Variants in FAR2 observed in about 807,000 individuals in gnomAD.
FAR2 encodes fatty acyl-CoA reductase 2.
A neutral mutation model predicts 56.0 loss-of-function variants in FAR2; 19 were observed. The observed-to-expected ratio is 0.34, with a 90% CI of 0.24 to 0.50. The LOEUF is 0.50. Ranked by LOEUF, FAR2 falls within the 20% of genes least tolerant of loss-of-function variation. The pLI, the probability that FAR2 is intolerant of heterozygous loss-of-function variation, is 0.98. For missense variants in FAR2, 508 were observed against 642.2 expected (o/e 0.79, Z 2.26); for synonymous variants, 219 against 218.8 (o/e 1.00, Z -0.01).
chr12:29,270,292 A>C, intron 1 of FAR2, 120 bp from the exon 2 acceptor site: 1 of 645,436 alleles, frequency 1.5e-6, no homozygotes, highest in South Asian at 2.9e-5. Context: ...CGATGCTCTC[A>C]CTGTCTGACC....
chr12:29,331,762 C>G (rs1949735177), intron 10 of FAR2: 1 of 152,060 alleles, frequency 6.6e-6, no homozygotes, highest in African/African-American at 2.4e-5. Flanking sequence ...TCTGGGCCAC[C>G]TCCTGATCCT....
At chr12:29,317,698 C>T (rs1017083144) in intron 9 of FAR2, 24 of 152,598 alleles carry the variant, frequency 1.6e-4, no homozygotes, top group African/African-American at 5.3e-4. Flanking sequence ...ATGATGACAA[C>T]CTCACTTACT....
At chr12:29,257,268 A>G (rs1045587017) in intron 1 of FAR2, among the ~76,000 whole-genome samples, 3 of 151,984 alleles carry the variant, frequency 2.0e-5, no homozygotes, top group Middle Eastern at 3.4e-3. Flanking sequence ...GTATCTAGCT[A>G]CTCTGGTGGG....
At chr12:29,307,537 C>G (rs188101812) in intron 4 of FAR2, 121 bp from the exon 5 acceptor site, 1 of 969,394 alleles carries the variant, frequency 1.0e-6, no homozygotes, top group East Asian at 2.6e-5. Flanking sequence ...TATCATGTGA[C>G]TGTTCTGAAT....
intron 10 of FAR2, among the ~76,000 whole-genome samples, chr12:29,329,108 C>G (rs778318834): frequency 6.6e-6 from 1 of 152,076 alleles, no homozygotes; most frequent in African/African-American, 2.4e-5. Flanking sequence ...GAAATCATTG[C>G]TCCCTCTCAA....
intron 1 of FAR2, among the ~76,000 whole-genome samples, chr12:29,246,706 T>C (rs1315851669): frequency 3.0e-4 from 45 of 152,192 alleles, no homozygotes; most frequent in Non-Finnish European, 1.5e-5. Flanking sequence ...TTTAGTCTTA[T>C]GTACTGTAGC....
At chr12:29,244,020 GAA>G (rs1948084824) in intron 1 of FAR2, among the ~76,000 whole-genome samples, 1 of 152,106 alleles carries the variant, frequency 6.6e-6, no homozygotes, top group Non-Finnish European at 1.5e-5. Flanking sequence ...ATGAATGAAT[GAA>G]TGAATGAATT....
chr12:29,191,081 C>T (rs1265394420), intron 1 of FAR2, among the ~76,000 whole-genome samples: 3 of 152,190 alleles, frequency 2.0e-5, no homozygotes, highest in Non-Finnish European at 4.4e-5. Context: ...TGAGCTAGCT[C>T]TGGGAGTAGG....
At chr12:29,151,106 T>C (rs576696167) in intron 1 of FAR2, among the ~76,000 whole-genome samples, 2 of 152,322 alleles carry the variant, frequency 1.3e-5, no homozygotes, top group Non-Finnish European at 2.9e-5. Flanking sequence ...CATTCTTGAG[T>C]GCATTTGTTT....
intron 1 of FAR2, among the ~76,000 whole-genome samples, chr12:29,254,349 G>A (rs1948280754): frequency 6.6e-6 from 1 of 152,216 alleles, no homozygotes; most frequent in Non-Finnish European, 1.5e-5. Flanking sequence ...TTGACAAACA[G>A]ATATGTGACT....
rs115666354 is a variant in FAR2 at position 29,201,424 on chromosome 12, C to G, written c.-39+52017C>G. ...AGGTCTCCTTCATATACGCTGTCAT[C>G]ATTTTGGACAAGGAAAATGTTACCA... On this transcript the variant is annotated intron_variant, in intron 1 of 11. Transcript: ENST00000536681. Among the ~76,000 whole-genome samples, 315 of 152,308 alleles carry G rather than the reference C, an allele frequency of 2.1e-3. 1 individual carries two copies. Among genetic ancestry groups the G allele is most frequent in the African/African-American group, 7.0e-3 (293 of 41,570 alleles).
chr12:29,160,478 G>A (rs569704663), intron 1 of FAR2, among the ~76,000 whole-genome samples: 9 of 152,224 alleles, frequency 5.9e-5, no homozygotes, highest in Admixed American at 2.6e-4. Context: ...ATATGGCTGC[G>A]TATCAAAAGG....
Position 29,321,924 on chromosome 12 carries a change from A to T in FAR2, c.1257A>T (p.Arg419Ser), listed in dbSNP as rs765510163. Residue 419 changes from arginine to serine, a missense_variant and splice_region_variant, in exon 10 of 12, where the codon AGA becomes AGT. Physicochemically the swap from Arg to Ser is moderately radical, Grantham distance 110 (BLOSUM62 -1). Coordinates refer to ENST00000536681, the MANE Select transcript of FAR2 (RefSeq NM_001271783.2). Reference sequence around the variant, plus strand: ...CTGAGCTGAGTCCTGAAGACCAGAGAGTAAGTAGAGCACTGACTTAAGCAC... The same window carrying T: ...CTGAGCTGAGTCCTGAAGACCAGAGTGTAAGTAGAGCACTGACTTAAGCAC... ...LMSELSPEDQ[R>S]VFNFDVRQLN... 6.2e-6 allele frequency: 10 copies of T among 1,611,826 alleles called. No individual in the cohort carries two copies. In the Admixed American group the frequency reaches 1.5e-4, roughly 24 times the overall value.
At chr12:29,258,182 T>A (rs1180415572) in intron 1 of FAR2, among the ~76,000 whole-genome samples, 3 of 146,158 alleles carry the variant, frequency 2.1e-5, no homozygotes, top group South Asian at 2.2e-4. Context: ...TGTCTTTACT[T>A]AAAAAAAAAA....
At chr12:29,195,010 A>T (rs1950133856) in intron 1 of FAR2, among the ~76,000 whole-genome samples, 1 of 152,166 alleles carries the variant, frequency 6.6e-6, no homozygotes, top group Non-Finnish European at 1.5e-5. Flanking sequence ...GTCTCACAAC[A>T]ATGTAAGCCT....
intron 1 of FAR2, among the ~76,000 whole-genome samples, chr12:29,186,915 A>T (rs965607971): frequency 1.1e-4 from 16 of 152,110 alleles, no homozygotes; most frequent in African/African-American, 3.9e-4. Context: ...CAGCCTTCCA[A>T]GTAGCTGGGA....
chr12:29,263,837 G>C (rs923841939), intron 1 of FAR2, among the ~76,000 whole-genome samples: 1 of 151,794 alleles, frequency 6.6e-6, no homozygotes, highest in Non-Finnish European at 1.5e-5. Flanking sequence ...GCAAAGAAAA[G>C]CTCATTATTT....
intron 1 of FAR2, among the ~76,000 whole-genome samples, chr12:29,230,429 G>A (rs1947838705): frequency 1.3e-5 from 2 of 151,908 alleles, no homozygotes; most frequent in Non-Finnish European, 2.9e-5. Flanking sequence ...GATGGGAGAG[G>A]GAAAAGGAGC....
chr12:29,327,211 T>C (rs1253616257), intron 10 of FAR2, among the ~76,000 whole-genome samples: 2 of 152,280 alleles, frequency 1.3e-5, no homozygotes, highest in African/African-American at 4.8e-5. Context: ...ATGAAGGACC[T>C]CTTCAAGGAA....
Sources: allele counts gnomAD v4.1 joint callset (sites outside exome capture counted in the v4.1 genomes callset), GRCh38; gene constraint gnomAD v4.1.1; transcripts MANE v1.5; gene names NCBI Gene and HGNC (gene_info 2026-07-23, HGNC 2026-07-21).